TRPC5: variants seen among roughly 807,000 people sequenced by gnomAD.
TRPC5 encodes the protein short transient receptor potential channel 5.
Under a neutral mutation model 56.5 loss-of-function variants are expected in TRPC5, and 9 were observed. The observed-to-expected ratio is 0.16, with a 90% CI of 0.10 to 0.28. The LOEUF (loss-of-function observed/expected upper bound fraction) is 0.28. Ranked by LOEUF, TRPC5 falls within the 10% of genes least tolerant of loss-of-function variation. The pLI is 1.00. For missense variants in TRPC5, 469 were observed against 748.9 expected, an observed-to-expected ratio of 0.63 and a Z score of 4.36; for synonymous variants, 282 against 278.5, an observed-to-expected ratio of 1.01 and a Z score of -0.13.
intron 1 of TRPC5, among the ~76,000 whole-genome samples, chrX:112,038,832 C>A (rs1929819028): frequency 9.4e-6 from 1 of 106,052 alleles, no homozygotes; most frequent in Non-Finnish European, 1.9e-5. Context: ...CAGGCGCCCA[C>A]CACCATGCCC....
At chrX:111,931,603 G>A (rs1926419007) in intron 2 of TRPC5, among the ~76,000 whole-genome samples, 1 of 112,305 alleles carries the variant, frequency 8.9e-6, no homozygotes, top group Admixed American at 9.4e-5. Flanking sequence ...TCTACTTGGT[G>A]GTTTGAGTAC....
In TRPC5 at chrX:111,771,150, G is replaced by C. The variant is rs1405570440; in HGVS notation, c.*5163C>G. 9.0e-6 allele frequency among the ~76,000 whole-genome samples: 1 copy of C among 111,205 alleles called. No individual in the cohort carries two copies. The highest frequency in any genetic ancestry group is 1.9e-5 in the Non-Finnish European group (1 of 53,023). On this transcript the variant is annotated 3_prime_UTR_variant, in exon 11 of 11. Transcript: ENST00000262839. ...TAGGACAGATACATGCTACTTTCAG[G>C]GATGTATGACAGTTGATTTCAATGA...
intron 2 of TRPC5, among the ~76,000 whole-genome samples, chrX:111,931,898 G>C (rs776045823): frequency 5.4e-5 from 6 of 111,871 alleles, no homozygotes; most frequent in Non-Finnish European, 1.1e-4. Flanking sequence ...TATATACCTA[G>C]GATGGATACT....
intron 3 of TRPC5, among the ~76,000 whole-genome samples, chrX:111,869,859 A>G (rs1923686770): frequency 8.9e-6 from 1 of 111,787 alleles, no homozygotes; most frequent in South Asian, 3.7e-4. Context: ...GAAGGAAGAA[A>G]GTGACATAGC....
chrX:112,048,508 G>A (rs1930129930), intron 1 of TRPC5, among the ~76,000 whole-genome samples: 1 of 109,616 alleles, frequency 9.1e-6, no homozygotes, highest in Non-Finnish European at 1.9e-5. Flanking sequence ...GATCCCTCAT[G>A]GACCCTGAGA....
intron 1 of TRPC5, among the ~76,000 whole-genome samples, chrX:111,964,887 C>T (rs955200959): frequency 1.8e-5 from 2 of 111,820 alleles, no homozygotes; most frequent in African/African-American, 6.5e-5. Context: ...AATGTAAAGA[C>T]CATCAAGGCT....
chrX:111,986,214 C>CA (rs1347392273), intron 1 of TRPC5, among the ~76,000 whole-genome samples: 1 of 110,790 alleles, frequency 9.0e-6, no homozygotes, highest in Non-Finnish European at 1.9e-5. Flanking sequence ...GCTATTCACC[C>CA]AAACAATTAC....
intron 3 of TRPC5, among the ~76,000 whole-genome samples, chrX:111,872,328 A>C (rs1217731454): frequency 8.9e-6 from 1 of 111,901 alleles, no homozygotes; most frequent in Non-Finnish European, 1.9e-5. Flanking sequence ...TCTGGAAAGG[A>C]GACTGATAGT....
chrX:111,983,456 G>A (rs927995123), intron 1 of TRPC5, among the ~76,000 whole-genome samples: 20 of 111,109 alleles, frequency 1.8e-4, no homozygotes, highest in African/African-American at 6.0e-4. Flanking sequence ...ACCCTTTGGT[G>A]AGCATTTACA....
chrX:112,009,509 A>G (rs1928935110), intron 1 of TRPC5, among the ~76,000 whole-genome samples: 1 of 111,673 alleles, frequency 9.0e-6, no homozygotes, highest in African/African-American at 3.3e-5. Flanking sequence ...ATGTGATAAC[A>G]TGCTTTGGGT....
At chrX:111,958,720 C>A (rs180915944) in intron 1 of TRPC5, among the ~76,000 whole-genome samples, 1 of 111,954 alleles carries the variant, frequency 8.9e-6, no homozygotes, top group Admixed American at 9.5e-5. Context: ...ATTCAAAGAC[C>A]TCCAAGAAGG....
At chrX:111,837,591 C>A (rs1397806453) in intron 6 of TRPC5, among the ~76,000 whole-genome samples, 1 of 111,511 alleles carries the variant, frequency 9.0e-6, no homozygotes, top group Non-Finnish European at 1.9e-5. Context: ...CAAACTAGGG[C>A]AAATATGTAA....
rs144894689 is a variant in TRPC5 at position 112,036,688 on chromosome X, T to C, written c.-22+45191A>G. ...GTGACAGTTTCTGCTTGCTTTTCAA[T>C]GTTTCTGTGGAGCAATGGGAGTTTG... On this transcript the variant is annotated intron_variant, in intron 1 of 10. Transcript: ENST00000262839. 8.1e-3 allele frequency among the ~76,000 whole-genome samples: 905 copies of C among 111,953 alleles called. 6 individuals are homozygous for C. The highest frequency in any genetic ancestry group is 0.028 in the African/African-American group (862 of 30,827).
intron 2 of TRPC5, among the ~76,000 whole-genome samples, chrX:111,937,836 T>C (rs1339797184): frequency 4.7e-5 from 5 of 106,932 alleles, no homozygotes; most frequent in Non-Finnish European, 7.7e-5. Context: ...CGGGCTCTTT[T>C]TTGGTTCCAT....
chrX:111,944,998 C>T (rs1337752694), intron 2 of TRPC5, among the ~76,000 whole-genome samples: 1 of 110,894 alleles, frequency 9.0e-6, no homozygotes, highest in African/African-American at 3.3e-5. Context: ...GTACGTGGAC[C>T]TCTTACCTAG....
chrX:112,076,897 GA>G (rs747790749), intron 1 of TRPC5, among the ~76,000 whole-genome samples: 5 of 111,731 alleles, frequency 4.5e-5, no homozygotes, highest in Non-Finnish European at 9.4e-5. Flanking sequence ...TCTATCTGTA[GA>G]AAACCCAGTA....
intron 1 of TRPC5, among the ~76,000 whole-genome samples, chrX:111,986,791 G>A (rs927706795): frequency 9.0e-6 from 1 of 111,549 alleles, no homozygotes; most frequent in Non-Finnish European, 1.9e-5. Context: ...AATCTACAAA[G>A]CTGGAAGTTT....
intron 7 of TRPC5, among the ~76,000 whole-genome samples, chrX:111,824,731 T>G (rs995126098): frequency 1.8e-5 from 2 of 111,692 alleles, no homozygotes; most frequent in African/African-American, 6.5e-5. Flanking sequence ...CACTTTGTCA[T>G]GCAGTTCCTA....
intron 2 of TRPC5, among the ~76,000 whole-genome samples, chrX:111,918,285 A>G (rs1811838504): frequency 8.9e-6 from 1 of 111,849 alleles, no homozygotes; most frequent in African/African-American, 3.3e-5. Flanking sequence ...TTTCCCATCT[A>G]AAAATGCAGT....
Sources: allele counts gnomAD v4.1 joint callset (sites outside exome capture counted in the v4.1 genomes callset), GRCh38; gene constraint gnomAD v4.1.1; transcripts MANE v1.5; gene names NCBI Gene and HGNC (gene_info 2026-07-23, HGNC 2026-07-21).